The following OR6N1 variants were observed in gnomAD, a reference collection of about 807,000 sequenced individuals.
The protein encoded by OR6N1 is olfactory receptor family 6 subfamily N member 1.
For synonymous variants in OR6N1, 170 were observed against 150.7 expected, an observed-to-expected ratio of 1.13 and a Z score of -0.94; for missense variants, 394 against 371.7, an observed-to-expected ratio of 1.06 and a Z score of -0.49.
upstream of OR6N1, chr1:158,774,983 A>G (rs1247088806): frequency 6.6e-6 from 1 of 152,210 alleles, no homozygotes; most frequent in Non-Finnish European, 1.5e-5. Context: ...TGTTTCATTC[A>G]TTACGATTGC....
chr1:158,793,715 T>C, the OR6N1 span, among the ~76,000 whole-genome samples: 1 of 152,202 alleles, frequency 6.6e-6, no homozygotes, highest in Non-Finnish European at 1.5e-5. Context: ...AAATTTTTTT[T>C]CCTAGTATTT....
chr1:158,775,301 T>G (rs1486187896), upstream of OR6N1: 1 of 151,832 alleles, frequency 6.6e-6, no homozygotes, highest in African/African-American at 2.4e-5. Flanking sequence ...TTAGGAGGAG[T>G]GAACCAAATG....
the OR6N1 span, among the ~76,000 whole-genome samples, chr1:158,800,330 G>GA: frequency 2.6e-4 from 39 of 148,968 alleles, no homozygotes; most frequent in South Asian, 2.1e-3. Flanking sequence ...ACCTAGGAAA[G>GA]AAAAAAAAAA....
chr1:158,766,706 T>G lies in OR6N1; in HGVS notation c.-18-6A>C, dbSNP rs1231600691. The G allele has an allele frequency of 1.9e-6, 3 of 1,557,700 alleles. No homozygotes were observed. The Admixed American group carries it at 5.3e-5, about 27-fold the overall frequency. ...ATTGCTCACCATTCATGTCCCTAGATGTGAAGTGTGGAAGGATAGGAAAGA... is the reference window on the plus strand; with the variant it reads ...ATTGCTCACCATTCATGTCCCTAGAGGTGAAGTGTGGAAGGATAGGAAAGA... On this transcript the variant is annotated splice_region_variant and splice_polypyrimidine_tract_variant and intron_variant, in intron 1 of 1. Transcript: ENST00000641846.
chr1:158,768,491 G>A (rs1216734372), intron 1 of OR6N1, among the ~76,000 whole-genome samples: 1 of 151,970 alleles, frequency 6.6e-6, no homozygotes, highest in Non-Finnish European at 1.5e-5. Context: ...GACCACCTCG[G>A]TCCAAGTCAC....
the OR6N1 span, among the ~76,000 whole-genome samples, chr1:158,796,871 C>A: frequency 6.7e-6 from 1 of 148,666 alleles, no homozygotes; most frequent in Non-Finnish European, 1.5e-5. Context: ...GTTTTCTTTA[C>A]AACTTACCTT....
rs532564174 is a variant in OR6N1, at chr1:158,764,578, T to C, written c.*1166A>G. The C allele has an allele frequency of 3.9e-5, 6 of 151,980 alleles. No homozygotes were observed. Among genetic ancestry groups the C allele is most frequent in the African/African-American group, 1.4e-4 (6 of 41,526 alleles). The allele number at this position is 151,980 out of a possible 1,614,324, so 9.4% of individuals were successfully genotyped here. A position where few individuals can be genotyped will look rare whatever the true frequency, so the allele number is the denominator to read the frequency against. The stretch of plus-strand genomic sequence containing the variant: ...TGGTATTAAAAATATTTTGTAATCT[T>C]CTTAGGAAGTTCTATAGAATTCAAA... On this transcript the variant is annotated 3_prime_UTR_variant, in exon 2 of 2. Transcript: ENST00000641846.
At chr1:158,771,915 C>G (rs895649432) in intron 1 of OR6N1, 106 bp downstream of exon 1, 2 of 152,036 alleles carry the variant, frequency 1.3e-5, no homozygotes, top group Non-Finnish European at 2.9e-5. Context: ...TTTTATGGAC[C>G]CTGATTATTC....
chr1:158,797,087 C>T, the OR6N1 span, among the ~76,000 whole-genome samples: 2 of 152,188 alleles, frequency 1.3e-5, no homozygotes, highest in Admixed American at 1.3e-4. Context: ...TGAGGTTCTA[C>T]TGAACACTCT....
At chr1:158,777,528 C>T in the OR6N1 span, 2 of 1,614,094 alleles carry the variant, frequency 1.2e-6, no homozygotes, top group African/African-American at 1.3e-5. Flanking sequence ...AGATGGTGAA[C>T]AGGTATGCCA....
At chr1:158,772,338 T>C (rs1657442902), upstream of OR6N1, 2 of 152,226 alleles carry the variant, frequency 1.3e-5, no homozygotes, top group African/African-American at 4.8e-5. Context: ...GGAAGGGAAC[T>C]GACATACAGC....
chr1:158,825,873 C>T, the OR6N1 span, among the ~76,000 whole-genome samples: 1 of 152,174 alleles, frequency 6.6e-6, no homozygotes. Flanking sequence ...ATGGAATCAA[C>T]CTAAACATTC....
At chr1:158,782,810 A>AC in the OR6N1 span, among the ~76,000 whole-genome samples, 1 of 151,750 alleles carries the variant, frequency 6.6e-6, no homozygotes, top group Non-Finnish European at 1.5e-5. Flanking sequence ...ATTAAGTGGT[A>AC]TTTTTTTTCC....
the OR6N1 span, among the ~76,000 whole-genome samples, chr1:158,813,456 C>T: frequency 2.6e-5 from 4 of 151,932 alleles, no homozygotes; most frequent in Non-Finnish European, 4.4e-5. Flanking sequence ...TGAGGAGGCA[C>T]CTTCTTCAGT....
chr1:158,817,664 T>C, the OR6N1 span, among the ~76,000 whole-genome samples: 1 of 152,198 alleles, frequency 6.6e-6, no homozygotes, highest in Non-Finnish European at 1.5e-5. Flanking sequence ...AGAACACCCA[T>C]GGTTCCAGGA....
chr1:158,765,802 T>A lies in OR6N1; in HGVS notation c.881A>T (p.Asn294Ile). ...FLNPFIYSLR[N>I]KEIKEAVRRQ... ...CCTCACAGCCTCCTTGATCTCCTTG[T>A]TGCGCAAGCTGTAGATGAAGGGGTT... Residue 294 changes from asparagine (N) to isoleucine (I), a missense_variant, in exon 2 of 2, where the codon AAC becomes ATC. Asn to Ile is a moderately radical substitution (Grantham distance 149). Coordinates refer to ENST00000641846, the MANE Select transcript of OR6N1 (RefSeq NM_001005185.2). 1.2e-6 allele frequency: 2 copies of A among 1,614,196 alleles called. No homozygotes were observed. The highest frequency in any genetic ancestry group is 1.7e-6 in the Non-Finnish European group (2 of 1,180,016).
chr1:158,782,893 G>C, the OR6N1 span, among the ~76,000 whole-genome samples: 9 of 152,198 alleles, frequency 5.9e-5, no homozygotes, highest in East Asian at 1.4e-3. Context: ...GAGCTAGCTT[G>C]TGTTTTGCTC....
chr1:158,777,265 A>G, the OR6N1 span: 1 of 1,614,124 alleles, frequency 6.2e-7, no homozygotes, highest in Non-Finnish European at 8.5e-7. Context: ...ACAAATGGCC[A>G]GGTATCTATC....
chr1:158,813,248 C>T, the OR6N1 span, among the ~76,000 whole-genome samples: 2 of 152,092 alleles, frequency 1.3e-5, no homozygotes, highest in African/African-American at 4.8e-5. Context: ...ACCCAGTAAT[C>T]GTATTTCTAA....
Sources: gnomAD v4.1 joint callset for allele counts (sites outside exome capture counted in the v4.1 genomes callset) on GRCh38, gnomAD v4.1.1 for gene constraint, MANE v1.5 for transcripts, NCBI Gene and HGNC (gene_info 2026-07-23, HGNC 2026-07-21) for gene names.